Variants in SATL1 observed in about 807,000 individuals in gnomAD.
SATL1 encodes the protein spermidine/spermine N(1)-acetyltransferase-like protein 1.
Under a neutral mutation model 51.8 loss-of-function variants are expected in SATL1, and 47 were observed. The observed-to-expected ratio is 0.91, with a 90% confidence interval of 0.72 to 1.16. The LOEUF (loss-of-function observed/expected upper bound fraction) is 1.16, where lower values mean the gene tolerates loss of function less well. Among genes scored for constraint, SATL1 ranks in the 50% most tolerant of loss-of-function variants. The pLI, the probability that SATL1 is intolerant of heterozygous loss-of-function variation, is 0.00. For missense variants in SATL1, 520 were observed against 526.4 expected, an observed-to-expected ratio of 0.99 and a Z score of 0.12; for synonymous variants, 176 against 182.4, an observed-to-expected ratio of 0.97 and a Z score of 0.28.
chrX:85,196,509 A>G, intron 2 of SATL1, among the ~76,000 whole-genome samples: 1 of 111,588 alleles, frequency 9.0e-6, no homozygotes, highest in Admixed American at 9.6e-5. Flanking sequence ...AGCCAAAACA[A>G]TCTTGAAAAA....
chrX:85,181,097 A>ATGTG (rs56714701), intron 2 of SATL1, among the ~76,000 whole-genome samples: 1,658 of 102,640 alleles, frequency 0.016, 34 homozygotes, highest in African/African-American at 0.056. Context: ...GCTGAATGTA[A>ATGTG]TGTGTGTGTG....
At chrX:85,134,535 G>A (rs1181448249) in intron 2 of SATL1, among the ~76,000 whole-genome samples, 1 of 111,414 alleles carries the variant, frequency 9.0e-6, no homozygotes, top group Non-Finnish European at 1.9e-5. Flanking sequence ...CCTATATATA[G>A]ATATAAGTCA....
At chrX:85,198,692 A>G (rs1332975341) in intron 2 of SATL1, among the ~76,000 whole-genome samples, 1 of 111,257 alleles carries the variant, frequency 9.0e-6, no homozygotes, top group Non-Finnish European at 1.9e-5. Context: ...TAATAATCAC[A>G]TCATGTAAAA....
intron 2 of SATL1, among the ~76,000 whole-genome samples, chrX:85,192,370 T>A (rs919034192): frequency 3.6e-5 from 4 of 111,575 alleles, no homozygotes; most frequent in Non-Finnish European, 7.5e-5. Context: ...GCCCCCTGCC[T>A]TCTTTGCCAA....
intron 4 of SATL1, among the ~76,000 whole-genome samples, chrX:85,099,839 CCA>C (rs763581500): frequency 8.9e-6 from 1 of 112,168 alleles, no homozygotes; most frequent in East Asian, 2.8e-4. Flanking sequence ...ACAAAGATTC[CCA>C]CTTTCACCAC....
intron 2 of SATL1, among the ~76,000 whole-genome samples, chrX:85,144,673 A>C (rs1926187783): frequency 1.8e-5 from 2 of 111,965 alleles, no homozygotes; most frequent in Non-Finnish European, 3.8e-5. Context: ...GAGACACTGC[A>C]GCTATATCCT....
chrX:85,132,081 A>AT (rs2147707536), intron 2 of SATL1, among the ~76,000 whole-genome samples: 1 of 109,740 alleles, frequency 9.1e-6, no homozygotes, highest in East Asian at 2.9e-4. Flanking sequence ...TGCCCTTGAC[A>AT]TTTTTTCCTT....
chrX:85,232,881 G>A (rs186256790), intron 1 of SATL1, among the ~76,000 whole-genome samples: 8 of 111,937 alleles, frequency 7.1e-5, no homozygotes, highest in Non-Finnish European at 1.5e-4. Context: ...CATCCTGAAG[G>A]GAAAAACACA....
intron 1 of SATL1, among the ~76,000 whole-genome samples, chrX:85,230,324 G>A (rs1248066360): frequency 8.9e-6 from 1 of 111,800 alleles, no homozygotes; most frequent in Non-Finnish European, 1.9e-5. Flanking sequence ...ATGAGAACAT[G>A]ATAATCTCTT....
At chrX:85,149,375 A>C (rs1926353928) in intron 2 of SATL1, among the ~76,000 whole-genome samples, 1 of 111,488 alleles carries the variant, frequency 9.0e-6, no homozygotes. Flanking sequence ...GGGAGACTTT[A>C]ACACCCCACT....
At chrX:85,171,036 A>C (rs775249837) in intron 2 of SATL1, among the ~76,000 whole-genome samples, 2 of 111,753 alleles carry the variant, frequency 1.8e-5, no homozygotes, top group East Asian at 5.6e-4. Context: ...TAAAAAGGTT[A>C]CCTGTAGAGT....
At chrX:85,225,738 A>T (rs975335552) in intron 1 of SATL1, among the ~76,000 whole-genome samples, 1 of 111,650 alleles carries the variant, frequency 9.0e-6, no homozygotes, top group Non-Finnish European at 1.9e-5. Context: ...TGCAAGAAAT[A>T]TCTCTTTTTC....
intron 2 of SATL1, among the ~76,000 whole-genome samples, chrX:85,125,729 GA>G (rs200457341): frequency 0.11 from 12,296 of 108,259 alleles, 1,032 homozygotes; most frequent in African/African-American, 0.28. Flanking sequence ...GATATCAGAT[GA>G]AAAAAATTTT....
rs751504862 is a variant in SATL1, at chrX:85,108,225, T to A, written c.744A>T (p.Ala248=). The A allele has an allele frequency of 3.6e-5, 43 of 1,210,098 alleles. No individual in the cohort carries two copies. Among genetic ancestry groups the A allele is most frequent in the Non-Finnish European group, 8.9e-6 (8 of 895,286 alleles). Residue 248 remains alanine (A), a synonymous_variant, in exon 3 of 8, where the codon GCA becomes GCT. Transcript: ENST00000644105. ...TGGAATCTGATAAACTTGATTGGTTTGCGTCTGGTTGGCTCATGTCTGTTT... is the reference window on the plus strand; with the variant it reads ...TGGAATCTGATAAACTTGATTGGTTAGCGTCTGGTTGGCTCATGTCTGTTT... ...KNQTDMSQPD[A]NQSSLSDSNQ...
At chrX:85,106,341 C>T (rs1925039976) in intron 3 of SATL1, among the ~76,000 whole-genome samples, 1 of 111,316 alleles carries the variant, frequency 9.0e-6, no homozygotes, top group Non-Finnish European at 1.9e-5. Flanking sequence ...TGTAACCAGG[C>T]CTAGAATCAC....
chrX:85,220,741 T>C (rs745496016), intron 2 of SATL1, among the ~76,000 whole-genome samples: 1 of 102,624 alleles, frequency 9.7e-6, no homozygotes, highest in Non-Finnish European at 2.0e-5. Context: ...TGTCAACTAT[T>C]GGTCCTGTTC....
chrX:85,107,782 A>G lies in SATL1; in HGVS notation c.1187T>C (p.Met396Thr). The G allele has an allele frequency of 2.5e-6, 3 of 1,211,081 alleles. No homozygotes were observed. Among genetic ancestry groups the G allele is most frequent in the Non-Finnish European group, 3.4e-6 (3 of 895,351 alleles). The change falls in exon 3 of 8, where the codon ATG becomes ACG. Residue 396 changes from methionine (M) to threonine (T), a missense_variant. By Grantham distance (81) the Met-to-Thr change is moderately conservative (BLOSUM62 -1). Coordinates refer to ENST00000644105, the MANE Select transcript of SATL1 (RefSeq NM_001367857.2). Reference sequence around the variant, plus strand: ...TGATTGGCTGGTGCCTACTTGTCTCATGCTTGGTTGGCTCCCACCTGACTG... The same window carrying G: ...TGATTGGCTGGTGCCTACTTGTCTCGTGCTTGGTTGGCTCCCACCTGACTG... ...MRQSGGSQPS[M>T]RQVGTSQSGT...
Position 85,109,172 on chromosome X carries a change from G to C in SATL1, c.-204C>G. ...TATCAAGGTGGGAATTGGAAAAAGA[G>C]AGGAGCACCTCAGGAAGATTATTAA... is the stretch of plus-strand genomic sequence containing the variant. On this transcript the variant is annotated 5_prime_UTR_variant, in exon 3 of 8. Transcript: ENST00000644105. 2.3e-6 allele frequency: 1 copy of C among 437,303 alleles called. No homozygotes were observed. The highest frequency in any genetic ancestry group is 2.4e-5 in the African/African-American group (1 of 41,038). The allele number at this position is 437,303 out of a possible 1,213,427, so 36.0% of individuals were successfully genotyped here.
chrX:85,122,038 C>T (rs1451783494), intron 2 of SATL1, among the ~76,000 whole-genome samples: 1 of 108,241 alleles, frequency 9.2e-6, no homozygotes, highest in Non-Finnish European at 1.9e-5. Context: ...AAAAAAAAAC[C>T]CTCAACTCTT....
Sources: gnomAD v4.1 joint callset for allele counts (sites outside exome capture counted in the v4.1 genomes callset) on GRCh38, gnomAD v4.1.1 for gene constraint, MANE v1.5 for transcripts, NCBI Gene and HGNC (gene_info 2026-07-23, HGNC 2026-07-21) for gene names.